Variants in CACNA2D3 observed in about 807,000 individuals in gnomAD.
CACNA2D3 encodes voltage-dependent calcium channel subunit alpha-2/delta-3.
CACNA2D3 carries 60 observed loss-of-function variants against 160.6 expected under a neutral mutation model. That is an observed-to-expected ratio of 0.37 (90% CI 0.30 to 0.46). CACNA2D3 has a LOEUF of 0.46. Among genes scored for constraint, CACNA2D3 ranks in the 20% least tolerant of loss-of-function variants. The pLI, the probability that CACNA2D3 is intolerant of heterozygous loss-of-function variation, is 1.00. For missense variants in CACNA2D3, 1,205 were observed against 1,365.0 expected (o/e 0.88, Z 1.85); for synonymous variants, 558 against 492.9 (o/e 1.13, Z -1.75).
intron 11 of CACNA2D3, among the ~76,000 whole-genome samples, chr3:54,751,048 G>A (rs1303974273): frequency 6.6e-6 from 1 of 152,050 alleles, no homozygotes; most frequent in African/African-American, 2.4e-5. Context: ...GGGAGTACAG[G>A]TGTGAGCCAC....
chr3:54,526,988 G>A (rs752254881), intron 5 of CACNA2D3, among the ~76,000 whole-genome samples: 118 of 152,332 alleles, frequency 7.7e-4, no homozygotes, highest in Non-Finnish European at 1.6e-3. Flanking sequence ...ACCACGTGGG[G>A]CCAGGCACCC....
intron 13 of CACNA2D3, among the ~76,000 whole-genome samples, chr3:54,800,451 A>G (rs1177102069): frequency 6.6e-6 from 1 of 152,236 alleles, no homozygotes; most frequent in East Asian, 1.9e-4. Flanking sequence ...ATGATCACCC[A>G]CAATAAGGCT....
At chr3:54,432,223 A>G (rs1700000953) in intron 4 of CACNA2D3, among the ~76,000 whole-genome samples, 1 of 152,224 alleles carries the variant, frequency 6.6e-6, no homozygotes, top group South Asian at 2.1e-4. Context: ...ATAGGATTAT[A>G]GCTATCTCAA....
At chr3:54,770,462 T>C (rs755179624) in intron 13 of CACNA2D3, among the ~76,000 whole-genome samples, 19 of 152,240 alleles carry the variant, frequency 1.2e-4, no homozygotes, top group Non-Finnish European at 2.6e-4. Flanking sequence ...ATTTTCACAT[T>C]GAAAATCAGT....
At chr3:54,758,795 G>A (rs1399597461) in intron 12 of CACNA2D3, among the ~76,000 whole-genome samples, 1 of 152,066 alleles carries the variant, frequency 6.6e-6, no homozygotes, top group Non-Finnish European at 1.5e-5. Context: ...CTTGCTTAAG[G>A]TGGGAAGAGT....
intron 2 of CACNA2D3, among the ~76,000 whole-genome samples, chr3:54,232,968 A>G (rs1472364226): frequency 6.6e-6 from 1 of 152,196 alleles, no homozygotes; most frequent in Admixed American, 6.5e-5. Flanking sequence ...TTGTCAGTCT[A>G]CTGCGGAGAC....
rs539973993 is a variant in CACNA2D3, at chr3:54,247,702, A to G, written c.205-72740A>G. Among the ~76,000 whole-genome samples, 4 of 152,320 alleles carry G rather than the reference A, an allele frequency of 2.6e-5. No homozygotes were observed. The East Asian group carries it at 7.7e-4, about 29-fold the overall frequency. Reference sequence around the variant, plus strand: ...ACTACTAGGCACCCCTGAAAAAGAAAACTAAAGCAGGAAACCACAACTAGT... The same window carrying G: ...ACTACTAGGCACCCCTGAAAAAGAAGACTAAAGCAGGAAACCACAACTAGT... On this transcript the variant is annotated intron_variant, in intron 2 of 37. Transcript: ENST00000474759.
At chr3:54,150,440 G>T (rs1464371446) in intron 2 of CACNA2D3, among the ~76,000 whole-genome samples, 1 of 152,170 alleles carries the variant, frequency 6.6e-6, no homozygotes, top group Non-Finnish European at 1.5e-5. Flanking sequence ...TTCCCTCTCT[G>T]GAGAAGGGCA....
intron 2 of CACNA2D3, among the ~76,000 whole-genome samples, chr3:54,185,444 T>A (rs958481931): frequency 1.3e-5 from 2 of 152,220 alleles, no homozygotes; most frequent in Non-Finnish European, 2.9e-5. Context: ...TCTCTCAAAC[T>A]TATTTAAGAT....
chr3:54,405,270 A>T (rs1312287653), intron 4 of CACNA2D3, among the ~76,000 whole-genome samples: 2 of 58,596 alleles, frequency 3.4e-5, no homozygotes, highest in African/African-American at 1.7e-4. Flanking sequence ...ACTACTCAGT[A>T]AAAAAAAAAA....
chr3:54,364,922 ATTT>A (rs1473430940), intron 3 of CACNA2D3, among the ~76,000 whole-genome samples: 2 of 152,220 alleles, frequency 1.3e-5, no homozygotes, highest in East Asian at 3.8e-4. Flanking sequence ...AGAAACTCAG[ATTT>A]CTTAGTATGT....
At chr3:54,301,321 G>T (rs939514634) in intron 2 of CACNA2D3, among the ~76,000 whole-genome samples, 2 of 150,976 alleles carry the variant, frequency 1.3e-5, no homozygotes, top group Non-Finnish European at 3.0e-5. Flanking sequence ...AAAAGAGGCC[G>T]GGGATGGCGG....
chr3:54,561,394 A>G (rs754056240), intron 5 of CACNA2D3, among the ~76,000 whole-genome samples: 2 of 152,218 alleles, frequency 1.3e-5, no homozygotes, highest in African/African-American at 4.8e-5. Flanking sequence ...GTTAGTGTAT[A>G]GGAATGCTAG....
chr3:54,600,302 A>G (rs1261839664), intron 9 of CACNA2D3, among the ~76,000 whole-genome samples: 1 of 152,130 alleles, frequency 6.6e-6, no homozygotes, highest in Non-Finnish European at 1.5e-5. Context: ...TTCTCCATTA[A>G]ATTCATCCAC....
chr3:54,295,631 A>G (rs1257866118), intron 2 of CACNA2D3, among the ~76,000 whole-genome samples: 1 of 152,238 alleles, frequency 6.6e-6, no homozygotes, highest in African/African-American at 2.4e-5. Context: ...CACTGAATGC[A>G]CAATTTACAG....
At chr3:55,052,491 T>G (rs1045326639) in intron 35 of CACNA2D3, among the ~76,000 whole-genome samples, 11 of 152,016 alleles carry the variant, frequency 7.2e-5, no homozygotes, top group African/African-American at 2.4e-4. Flanking sequence ...GTTAAAGTTT[T>G]CTATAAATGT....
At chr3:54,981,612 C>T (rs368880545) in intron 29 of CACNA2D3, among the ~76,000 whole-genome samples, 9 of 152,204 alleles carry the variant, frequency 5.9e-5, no homozygotes, top group Non-Finnish European at 1.2e-4. Flanking sequence ...CTTTTATTGG[C>T]ATCCCAGGCT....
At chr3:55,068,006 TTC>T (rs150958868) in intron 35 of CACNA2D3, among the ~76,000 whole-genome samples, 2,551 of 152,298 alleles carry the variant, frequency 0.017, 62 homozygotes, top group African/African-American at 0.057. Context: ...TATTCTCCTC[TTC>T]TCTCTCCCAT....
chr3:54,630,808 A>T (rs1443145804), intron 10 of CACNA2D3, among the ~76,000 whole-genome samples: 2 of 152,114 alleles, frequency 1.3e-5, no homozygotes, highest in African/African-American at 4.8e-5. Context: ...AACCCTCCAT[A>T]CCCCTGTAAA....
Sources: allele counts gnomAD v4.1 joint callset (sites outside exome capture counted in the v4.1 genomes callset), GRCh38; gene constraint gnomAD v4.1.1; transcripts MANE v1.5; gene names NCBI Gene and HGNC (gene_info 2026-07-23, HGNC 2026-07-21).